The following DNAJB1 variants were observed in gnomAD, a reference collection of about 807,000 sequenced individuals.
DNAJB1 encodes dnaJ homolog subfamily B member 1.
DNAJB1 carries 14 observed loss-of-function variants against 24.0 expected under a neutral mutation model. The observed-to-expected ratio is 0.58, with a 90% confidence interval of 0.39 to 0.91. The LOEUF (loss-of-function observed/expected upper bound fraction) is 0.91. DNAJB1 is among the 40% of genes least tolerant of loss of function. The pLI, the probability that DNAJB1 is intolerant of heterozygous loss-of-function variation, is 0.00. For missense variants in DNAJB1, 517 were observed against 458.1 expected, an observed-to-expected ratio of 1.13 and a Z score of -1.17; for synonymous variants, 262 against 174.4, an observed-to-expected ratio of 1.50 and a Z score of -3.96.
chr19:14,547,810 C>A (rs749403259), intron 1 of DNAJB1, among the ~76,000 whole-genome samples: 1 of 151,848 alleles, frequency 6.6e-6, no homozygotes, highest in Non-Finnish European at 1.5e-5. Flanking sequence ...CAGGTGCATA[C>A]CACCTACAGC....
intron 1 of DNAJB1, among the ~76,000 whole-genome samples, chr19:14,547,135 G>A (rs2073335412): frequency 6.6e-6 from 1 of 152,094 alleles, no homozygotes. Context: ...ATGTTAAAGA[G>A]CTTATTCATA....
In DNAJB1 at chr19:14,515,918, A is replaced by G; in HGVS notation, c.*22T>C. Reference sequence around the variant, plus strand: ...TTGAGCTCTGGAAAGGTCCCTGGTCAGTCCTTGGGGAGCTCAGATAGCTAT... The same window carrying G: ...TTGAGCTCTGGAAAGGTCCCTGGTCGGTCCTTGGGGAGCTCAGATAGCTAT... On this transcript the variant is annotated 3_prime_UTR_variant, in exon 3 of 3. Coordinates refer to ENST00000254322, the MANE Select transcript of DNAJB1 (RefSeq NM_006145.3). The G allele has an allele frequency of 6.2e-7, 1 of 1,602,710 alleles. No individual in the cohort carries two copies. The highest frequency in any genetic ancestry group is 8.5e-7 in the Non-Finnish European group (1 of 1,175,940).
At chr19:14,552,956 C>T (rs1015791672), upstream of DNAJB1, among the ~76,000 whole-genome samples, 1 of 152,070 alleles carries the variant, frequency 6.6e-6, no homozygotes, top group Admixed American at 6.5e-5. Flanking sequence ...CAGCGTCGCT[C>T]TGGGTGGGCC....
At chr19:14,536,297 TCCC>T (rs2072896961) in intron 1 of DNAJB1, among the ~76,000 whole-genome samples, 1 of 141,694 alleles carries the variant, frequency 7.1e-6, no homozygotes, top group Non-Finnish European at 1.5e-5. Context: ...TGAGACAGAG[TCCC>T]CCTCTGTTGC....
intron 1 of DNAJB1, among the ~76,000 whole-genome samples, chr19:14,540,160 C>T (rs559581333): frequency 1.3e-5 from 2 of 151,090 alleles, no homozygotes; most frequent in East Asian, 1.9e-4. Context: ...CCCAGGTTCA[C>T]GCCATTCTCC....
At chr19:14,542,347 G>GGGTTT (rs2073124658) in intron 1 of DNAJB1, among the ~76,000 whole-genome samples, 4 of 43,302 alleles carry the variant, frequency 9.2e-5, no homozygotes, top group African/African-American at 3.2e-4. Flanking sequence ...ATGCCATAGT[G>GGGTTT]TTTTTTTTTT....
At chr19:14,551,963 CTCTCTCTCTT>C (rs1375370477), upstream of DNAJB1, among the ~76,000 whole-genome samples, 1 of 121,494 alleles carries the variant, frequency 8.2e-6, no homozygotes, top group Non-Finnish European at 1.7e-5. Context: ...CTCTCTCTCT[CTCTCTCTCTT>C]TCTCTCTTTT....
chr19:14,542,989 C>CT (rs572624462), intron 1 of DNAJB1, among the ~76,000 whole-genome samples: 1,109 of 102,162 alleles, frequency 0.011, 16 homozygotes, highest in African/African-American at 0.03. Flanking sequence ...CTTCCAAATT[C>CT]TTTTTTTTTT....
rs1383859769 is a variant in DNAJB1, at chr19:14,542,366, T to G, written c.-214+7842A>C. Among the ~76,000 whole-genome samples the G allele has an allele frequency of 1.1e-4, 15 of 130,948 alleles. 1 individual carries two copies. Among genetic ancestry groups the G allele is most frequent in the African/African-American group, 4.4e-4 (15 of 34,030 alleles). 85.9% of individuals were successfully genotyped at this position (130,948 alleles called of 152,430 possible). ...CATAGTGTTTTTTTTTTTTTTTTTT[T>G]TTTTTTTTTTCTGAGATGGAGTTTC... On this transcript the variant is annotated intron_variant, in intron 1 of 3. Coordinates refer to the DNAJB1 transcript ENST00000676982.
At position 14,515,536 on chromosome 19, in the gene DNAJB1, G is replaced by C. The variant is rs1457999708; in HGVS notation, c.*404C>G. ...AAACTGATCACACAACAGAAAAGGA[G>C]GAGTGTACAGGGTCTGGGAATCAAG... On this transcript the variant is annotated 3_prime_UTR_variant, in exon 3 of 3. Transcript: ENST00000254322. The C allele has an allele frequency of 5.1e-6, 1 of 195,508 alleles. No homozygotes were observed. The highest frequency in any genetic ancestry group is 6.2e-5 in the Admixed American group (1 of 16,018). The allele number at this position is 195,508 out of a possible 1,614,324, so 12.1% of individuals were successfully genotyped here.
chr19:14,518,698 C>T (rs1187380499), upstream of DNAJB1, among the ~76,000 whole-genome samples: 2 of 152,096 alleles, frequency 1.3e-5, no homozygotes, highest in African/African-American at 4.8e-5. Context: ...CTCTACGCGG[C>T]CCCAGCTACC....
chr19:14,559,664 G>A (rs1017875467), intron 1 of DNAJB1, among the ~76,000 whole-genome samples: 5 of 152,012 alleles, frequency 3.3e-5, no homozygotes, highest in Non-Finnish European at 7.4e-5. Flanking sequence ...GTGTGTGCCT[G>A]TAATCCCAGC....
chr19:14,555,437 T>TA (rs2073686706), intron 1 of DNAJB1, among the ~76,000 whole-genome samples: 1 of 145,622 alleles, frequency 6.9e-6, no homozygotes, highest in Admixed American at 6.9e-5. Flanking sequence ...TTTTATTTAT[T>TA]CTTTTTTTTT....
At chr19:14,531,682 A>G (rs1263318437), upstream of DNAJB1, 1 of 152,208 alleles carries the variant, frequency 6.6e-6, no homozygotes, top group African/African-American at 2.4e-5. Context: ...TTGGCCTCCC[A>G]GAGTGCTGGG....
chr19:14,535,506 CAAAAAAAAAAAAAAAAAAAAAAAAAA>C (rs1172079027), intron 1 of DNAJB1, among the ~76,000 whole-genome samples: 4 of 17,178 alleles, frequency 2.3e-4, no homozygotes, highest in African/African-American at 1.1e-3. Flanking sequence ...GACTCCGTCT[CAAAAAAAAAAAAAAAAAAAAAAAAAA>C]AAAAAAAAAA....
At chr19:14,539,783 C>A (rs1392194636) in intron 1 of DNAJB1, among the ~76,000 whole-genome samples, 1 of 152,094 alleles carries the variant, frequency 6.6e-6, no homozygotes, top group Non-Finnish European at 1.5e-5. Context: ...AGAGACCTTC[C>A]TTGGCCATCC....
At chr19:14,548,869 C>G (rs1417990509) in intron 1 of DNAJB1, among the ~76,000 whole-genome samples, 1 of 152,122 alleles carries the variant, frequency 6.6e-6, no homozygotes, top group Non-Finnish European at 1.5e-5. Flanking sequence ...GCCACCGCAT[C>G]CAACCATCTC....
At chr19:14,540,955 C>T (rs2073076634) in intron 1 of DNAJB1, among the ~76,000 whole-genome samples, 1 of 151,990 alleles carries the variant, frequency 6.6e-6, no homozygotes, top group Non-Finnish European at 1.5e-5. Flanking sequence ...TTGCCTCAGG[C>T]TCCGGAGTAA....
At position 14,516,082 on chromosome 19, in the gene DNAJB1, C is replaced by A; in HGVS notation, c.881G>T (p.Arg294Leu). 1.2e-6 allele frequency: 2 copies of A among 1,613,768 alleles called. No individual in the cohort carries two copies. Among genetic ancestry groups the A allele is most frequent in the Middle Eastern group, 3.3e-4 (2 of 6,060 alleles). Residue 294 changes from arginine to leucine, a missense_variant, in exon 3 of 3, where the codon CGG becomes CTG. Transcript: ENST00000254322. ...GAGGCCTTCTCCAGGAACTTTTCGC[C>A]GCATGCCAGGCCTGATAACATCTTT... ...VFKDVIRPGM[R>L]RKVPGEGLPL...
Sources: gnomAD v4.1 joint callset for allele counts (sites outside exome capture counted in the v4.1 genomes callset) on GRCh38, gnomAD v4.1.1 for gene constraint, MANE v1.5 for transcripts, NCBI Gene and HGNC (gene_info 2026-07-23, HGNC 2026-07-21) for gene names.